SSUH2: variants seen among roughly 807,000 people sequenced by gnomAD.
The protein encoded by SSUH2 is protein SSUH2 homolog.
In SSUH2, 47 loss-of-function variants were observed where a neutral mutation model predicts 55.3. The observed-to-expected ratio is 0.85, with a 90% CI of 0.67 to 1.08. The LOEUF (loss-of-function observed/expected upper bound fraction) is 1.08, where lower values mean the gene tolerates loss of function less well. Among genes scored for constraint, SSUH2 ranks in the 50% least tolerant of loss-of-function variants. The probability of loss-of-function intolerance (pLI) is 0.00; values close to 1 mark genes in which losing one functional copy is unlikely to be tolerated. For synonymous variants in SSUH2, 212 were observed against 191.5 expected, an observed-to-expected ratio of 1.11 and a Z score of -0.89; for missense variants, 535 against 490.7, an observed-to-expected ratio of 1.09 and a Z score of -0.85.
intron 5 of SSUH2, among the ~76,000 whole-genome samples, chr3:8,667,451 C>A (rs985784748): frequency 6.6e-6 from 1 of 152,170 alleles, no homozygotes; most frequent in Admixed American, 6.5e-5. Flanking sequence ...CTTTACCGCA[C>A]TTTATTTTAT....
At chr3:8,641,866 G>T (rs1246458877) in intron 1 of SSUH2, among the ~76,000 whole-genome samples, 2 of 152,236 alleles carry the variant, frequency 1.3e-5, no homozygotes. Context: ...GAGGGCAGGG[G>T]CATTCTATGA....
At chr3:8,631,111 G>A (rs1276223676) in intron 5 of SSUH2, among the ~76,000 whole-genome samples, 182 bp from the exon 6 acceptor site, 1 of 152,206 alleles carries the variant, frequency 6.6e-6, no homozygotes, top group Non-Finnish European at 1.5e-5. Context: ...GATTTAGAGA[G>A]AGACAGATCT....
At chr3:8,628,327 CA>C (rs1046690754) in intron 7 of SSUH2, among the ~76,000 whole-genome samples, 2 of 152,066 alleles carry the variant, frequency 1.3e-5, no homozygotes, top group Non-Finnish European at 2.9e-5. Flanking sequence ...AGAGCATGGC[CA>C]AAGGATGAGG....
chr3:8,629,839 T>A, intron 6 of SSUH2, 113 bp from the exon 7 acceptor site: 1 of 993,938 alleles, frequency 1.0e-6, no homozygotes, highest in South Asian at 1.4e-5. Flanking sequence ...GATAGGAAGA[T>A]GGCACAGGAA....
chr3:8,635,636 G>T (rs1699797128), intron 2 of SSUH2, 123 bp downstream of exon 2: 1 of 954,240 alleles, frequency 1.0e-6, no homozygotes, highest in Non-Finnish European at 1.5e-6. Flanking sequence ...AAGATGAGGG[G>T]CTTCCCAGGG....
chr3:8,678,724 T>C lies in SSUH2; in HGVS notation c.-901+981A>G, dbSNP rs1445168607. On this transcript the variant is annotated intron_variant, in intron 2 of 18. Coordinates refer to the SSUH2 transcript ENST00000317371. ...CTCCTGGGTCTTAGGACCCCCAACG[T>C]GGGGGGGGGAGGCACCACACGCGAG... Among the ~76,000 whole-genome samples, 11 of 19,314 alleles carry C rather than the reference T, an allele frequency of 5.7e-4. 3 individuals are homozygous for C. The highest frequency in any genetic ancestry group is 7.6e-4 in the Non-Finnish European group (8 of 10,534). The allele number at this position is 19,314 out of a possible 152,430, so 12.7% of individuals were successfully genotyped here. A position where few individuals can be genotyped will look rare whatever the true frequency, so the allele number is the denominator to read the frequency against.
intron 1 of SSUH2, among the ~76,000 whole-genome samples, chr3:8,681,589 G>T (rs572952501): frequency 1.3e-4 from 19 of 151,054 alleles, no homozygotes; most frequent in African/African-American, 3.4e-4. Flanking sequence ...GGGACTGAGA[G>T]CCAGCCACTC....
chr3:8,633,108 C>A (rs1699145349), intron 4 of SSUH2, among the ~76,000 whole-genome samples: 1 of 150,160 alleles, frequency 6.7e-6, no homozygotes, highest in African/African-American at 2.5e-5. Context: ...TGATGCCTGG[C>A]ATGTTCAAGC....
intron 5 of SSUH2, among the ~76,000 whole-genome samples, chr3:8,664,103 C>G (rs1213720023): frequency 1.3e-5 from 2 of 152,214 alleles, no homozygotes; most frequent in South Asian, 4.1e-4. Context: ...ACCCCCAAGG[C>G]TGCTGCAAAC....
intron 11 of SSUH2, among the ~76,000 whole-genome samples, chr3:8,621,965 G>C (rs1450691631): frequency 6.7e-6 from 1 of 148,534 alleles, no homozygotes; most frequent in African/African-American, 2.5e-5. Context: ...ATCTGCTTCT[G>C]GCTCAAAAAG....
chr3:8,675,837 C>T (rs192617002), intron 3 of SSUH2, among the ~76,000 whole-genome samples: 4 of 152,250 alleles, frequency 2.6e-5, no homozygotes, highest in East Asian at 1.9e-4. Flanking sequence ...CTGGGGCTAC[C>T]GGATCTGACA....
chr3:8,640,034 C>T, intron 1 of SSUH2: 2 of 984,074 alleles, frequency 2.0e-6, no homozygotes, highest in Non-Finnish European at 2.4e-6. Flanking sequence ...GGTGGTCAAA[C>T]TCACACACAC....
At chr3:8,641,605 A>G (rs1423850669) in intron 1 of SSUH2, among the ~76,000 whole-genome samples, 1 of 152,200 alleles carries the variant, frequency 6.6e-6, no homozygotes, top group Non-Finnish European at 1.5e-5. Flanking sequence ...CGGAACCACT[A>G]TCCCCCTCCC....
chr3:8,658,361 A>C (rs1254119554), intron 7 of SSUH2, among the ~76,000 whole-genome samples: 1 of 152,084 alleles, frequency 6.6e-6, no homozygotes, highest in Admixed American at 6.5e-5. Context: ...GCTAGAGGAG[A>C]AAGAGGGGGT....
chr3:8,679,973 AC>A (rs1357109600), intron 1 of SSUH2: 1 of 152,126 alleles, frequency 6.6e-6, no homozygotes, highest in Non-Finnish European at 1.5e-5. Flanking sequence ...GGGACCGGGA[AC>A]CTTTGCAAGG....
Position 8,623,604 on chromosome 3 carries a change from C to G in SSUH2, c.926G>C (p.Arg309Thr). The G allele has an allele frequency of 1.3e-6, 2 of 1,547,448 alleles. No individual in the cohort carries two copies. The highest frequency in any genetic ancestry group is 1.2e-5 in the South Asian group (1 of 83,864). Reference sequence around the variant, plus strand: ...GGCAGCGCTGTGCTCTGCAATGCCCCTCTGGGAGGCAAGAGAGATGTCTCG... The same window carrying G: ...GGCAGCGCTGTGCTCTGCAATGCCCGTCTGGGAGGCAAGAGAGATGTCTCG... ...PLRDISLASQ[R>T]GIAEHSAALA... Residue 309 changes from arginine to threonine, a missense_variant, in exon 11 of 12, where the codon AGG becomes ACG. Arg to Thr is a moderately conservative substitution (Grantham distance 71). Coordinates refer to ENST00000544814, the MANE Select transcript of SSUH2 (RefSeq NM_001256748.3).
chr3:8,629,747 T>C (rs752452818), intron 6 of SSUH2, 21 bp from the exon 7 acceptor site: 25 of 1,613,904 alleles, frequency 1.5e-5, no homozygotes, highest in Non-Finnish European at 1.7e-5. Flanking sequence ...AACGCTTTCT[T>C]GGGATCTAGT....
rs768109639 is a variant in SSUH2 at position 8,626,236 on chromosome 3, T to C, written c.760A>G (p.Ile254Val). 8 of 1,613,766 alleles carry C rather than the reference T, an allele frequency of 5.0e-6. No individual in the cohort carries two copies. The African/African-American group carries it at 9.3e-5, about 19-fold the overall frequency. Residue 254 changes from isoleucine (I) to valine (V), a missense_variant, in exon 9 of 12, where the codon ATC (isoleucine) becomes GTC (valine). Coordinates refer to ENST00000544814, the MANE Select transcript of SSUH2 (RefSeq NM_001256748.3). ...KKLLHFIQLV[I>V]MWKNSLFEFV... ...TGAGACACTGCCACATACCACATGA[T>C]GACAAGCTGGATGAAGTGCAACAGC...
intron 5 of SSUH2, among the ~76,000 whole-genome samples, chr3:8,664,529 G>A (rs1322914754): frequency 6.6e-6 from 1 of 152,112 alleles, no homozygotes; most frequent in Non-Finnish European, 1.5e-5. Flanking sequence ...AAAGTGTAGG[G>A]GGGCACAAAA....
Sources: gnomAD v4.1 joint callset for allele counts (sites outside exome capture counted in the v4.1 genomes callset) on GRCh38, gnomAD v4.1.1 for gene constraint, MANE v1.5 for transcripts, NCBI Gene and HGNC (gene_info 2026-07-23, HGNC 2026-07-21) for gene names.